The following UNC5D variants were observed in gnomAD, a reference collection of about 807,000 sequenced individuals.
UNC5D encodes unc-5 netrin receptor D.
Under a neutral mutation model 105.4 loss-of-function variants are expected in UNC5D, and 39 were observed. The ratio of observed to expected loss-of-function variants is 0.37; its 90% CI spans 0.29 to 0.48. UNC5D has a LOEUF of 0.48. UNC5D is among the 20% of genes least tolerant of loss of function. UNC5D has a pLI of 0.98. For synonymous variants in UNC5D, 452 were observed against 450.4 expected (o/e 1.00, Z -0.04); for missense variants, 991 against 1,202.4 (o/e 0.82, Z 2.60).
chr8:35,552,470 G>A (rs528221857), intron 2 of UNC5D, among the ~76,000 whole-genome samples: 1 of 152,250 alleles, frequency 6.6e-6, no homozygotes, highest in African/African-American at 2.4e-5. Flanking sequence ...TCTATTTAGG[G>A]TTTCAGTCAC....
chr8:35,506,205 G>A (rs2130297134), intron 1 of UNC5D, among the ~76,000 whole-genome samples: 1 of 152,234 alleles, frequency 6.6e-6, no homozygotes, highest in South Asian at 2.1e-4. Flanking sequence ...CATACAAGCT[G>A]GCTTCACTCA....
intron 1 of UNC5D, among the ~76,000 whole-genome samples, chr8:35,419,116 T>C (rs1805719813): frequency 6.6e-6 from 1 of 152,230 alleles, no homozygotes; most frequent in Non-Finnish European, 1.5e-5. Context: ...ACAAACTGGC[T>C]CATTAACACC....
intron 1 of UNC5D, among the ~76,000 whole-genome samples, chr8:35,511,015 T>C (rs1485668623): frequency 6.6e-6 from 1 of 150,918 alleles, no homozygotes; most frequent in Non-Finnish European, 1.5e-5. Context: ...ATTAATCATT[T>C]TGTTGTTGTT....
chr8:35,365,914 G>A (rs1334792331), intron 1 of UNC5D, among the ~76,000 whole-genome samples: 4 of 152,148 alleles, frequency 2.6e-5, no homozygotes, highest in Non-Finnish European at 5.9e-5. Flanking sequence ...CATTAACTAG[G>A]CAATGAAAGA....
intron 1 of UNC5D, among the ~76,000 whole-genome samples, chr8:35,364,725 T>G (rs1355662992): frequency 6.6e-6 from 1 of 152,142 alleles, no homozygotes; most frequent in Non-Finnish European, 1.5e-5. Flanking sequence ...AATCCACAAG[T>G]TTATCGCAGT....
chr8:35,235,990 T>C (rs1802432279), intron 1 of UNC5D, 103 bp downstream of exon 1: 4 of 1,037,258 alleles, frequency 3.9e-6, no homozygotes, highest in Admixed American at 8.7e-5. Flanking sequence ...ACTTGCGCCC[T>C]GCACCTCGGC....
At chr8:35,588,996 T>C (rs894440785) in intron 3 of UNC5D, among the ~76,000 whole-genome samples, 2 of 151,912 alleles carry the variant, frequency 1.3e-5, no homozygotes, top group Admixed American at 6.6e-5. Context: ...TGAGCTGAGA[T>C]TGGGCCATTG....
intron 1 of UNC5D, among the ~76,000 whole-genome samples, chr8:35,313,395 T>A (rs1809043965): frequency 6.6e-6 from 1 of 152,116 alleles, no homozygotes; most frequent in Admixed American, 6.5e-5. Context: ...AGTCATCAAG[T>A]TTTCTCTTCC....
intron 1 of UNC5D, among the ~76,000 whole-genome samples, chr8:35,320,051 G>A (rs1285575184): frequency 1.8e-4 from 28 of 152,144 alleles, no homozygotes; most frequent in Admixed American, 1.7e-3. Context: ...ATGAGTGACC[G>A]GTGGCCCATG....
intron 3 of UNC5D, among the ~76,000 whole-genome samples, chr8:35,590,284 C>G (rs567600812): frequency 2.7e-4 from 41 of 152,222 alleles, no homozygotes; most frequent in African/African-American, 9.6e-4. Flanking sequence ...ACCTACCAAT[C>G]AATCCCTTAA....
intron 4 of UNC5D, among the ~76,000 whole-genome samples, chr8:35,615,052 C>T (rs1332938992): frequency 7.7e-6 from 1 of 129,434 alleles, no homozygotes; most frequent in Non-Finnish European, 1.7e-5. Flanking sequence ...CCCCCCCCGT[C>T]CCCCACCCCC....
chr8:35,568,657 C>G (rs1048722398), intron 3 of UNC5D, among the ~76,000 whole-genome samples: 1 of 152,184 alleles, frequency 6.6e-6, no homozygotes, highest in East Asian at 1.9e-4. Flanking sequence ...CCACTGCACT[C>G]CCACCTGGGT....
chr8:35,498,973 C>A (rs926462154), intron 1 of UNC5D, among the ~76,000 whole-genome samples: 5 of 152,144 alleles, frequency 3.3e-5, no homozygotes, highest in Admixed American at 1.3e-4. Context: ...CCAACCAATT[C>A]AGTATAAAGC....
rs886868704 is a variant in UNC5D, at chr8:35,450,503, C to T, written c.104-98789C>T. Among the ~76,000 whole-genome samples the T allele has an allele frequency of 3.2e-4, 48 of 152,070 alleles. 2 individuals are homozygous for T. Among genetic ancestry groups the T allele is most frequent in the African/African-American group, 1.1e-3 (46 of 41,494 alleles). On this transcript the variant is annotated intron_variant, in intron 1 of 16. Transcript: ENST00000404895. Reference sequence around the variant, plus strand: ...AGCTGAAAATGCTTTTTGACTATGTCGAATGAACAAAATAATGCTGTTCTT... The same window carrying T: ...AGCTGAAAATGCTTTTTGACTATGTTGAATGAACAAAATAATGCTGTTCTT...
chr8:35,484,475 A>G (rs972645640), intron 1 of UNC5D, among the ~76,000 whole-genome samples: 16 of 152,072 alleles, frequency 1.1e-4, no homozygotes, highest in African/African-American at 3.1e-4. Context: ...CCTCGCTCCC[A>G]CATGGCACCA....
intron 1 of UNC5D, among the ~76,000 whole-genome samples, chr8:35,485,968 T>C (rs1390346353): frequency 3.3e-5 from 5 of 152,206 alleles, no homozygotes; most frequent in Non-Finnish European, 7.3e-5. Context: ...ACCTTTGCTT[T>C]TCTGCAGCTT....
intron 1 of UNC5D, among the ~76,000 whole-genome samples, chr8:35,397,499 C>T (rs1804182181): frequency 1.3e-5 from 2 of 152,326 alleles, no homozygotes; most frequent in South Asian, 2.1e-4. Flanking sequence ...TTACAACCTT[C>T]TCAACTTGCT....
intron 11 of UNC5D, among the ~76,000 whole-genome samples, chr8:35,738,827 A>G (rs531384861): frequency 1.1e-4 from 17 of 152,232 alleles, no homozygotes; most frequent in Non-Finnish European, 2.4e-4. Context: ...TCTTGCTAGC[A>G]ATGGATGAAA....
chr8:35,476,567 A>C (rs951971795), intron 1 of UNC5D, among the ~76,000 whole-genome samples: 4 of 152,174 alleles, frequency 2.6e-5, no homozygotes, highest in African/African-American at 9.7e-5. Flanking sequence ...CCTTACCTCC[A>C]GGGTCAGAGC....
Sources: gnomAD v4.1 joint callset for allele counts (sites outside exome capture counted in the v4.1 genomes callset) on GRCh38, gnomAD v4.1.1 for gene constraint, MANE v1.5 for transcripts, NCBI Gene and HGNC (gene_info 2026-07-23, HGNC 2026-07-21) for gene names.